The following USP2 variants were observed in gnomAD, a reference collection of about 807,000 sequenced individuals.
USP2 encodes ubiquitin specific peptidase 2, also known as ubiquitin carboxyl-terminal hydrolase 2.
In USP2, 33 loss-of-function variants were observed where a neutral mutation model predicts 72.0. The observed-to-expected ratio is 0.46, with a 90% CI of 0.35 to 0.61. USP2 has a LOEUF of 0.61. Among genes scored for constraint, USP2 ranks in the 20% least tolerant of loss-of-function variants. The pLI, the probability that USP2 is intolerant of heterozygous loss-of-function variation, is 0.01. For synonymous variants in USP2, 296 were observed against 312.5 expected (o/e 0.95, Z 0.56); for missense variants, 691 against 797.8 (o/e 0.87, Z 1.61).
rs776678005 is a variant in USP2, at chr11:119,357,180, C to G, written c.1730+7G>C. On this transcript the variant is annotated splice_region_variant and intron_variant, in intron 12 of 12. Transcript: ENST00000260187. ...GCCAGGGGCTCCGGCCCTGCCCTGG[C>G]TCTCACCTGGAGTCGTTGAAAGTGT... 4 of 1,613,150 alleles carry G rather than the reference C, an allele frequency of 2.5e-6. No homozygotes were observed. The highest frequency in any genetic ancestry group is 3.4e-6 in the Non-Finnish European group (4 of 1,179,782).
intron 2 of USP2, among the ~76,000 whole-genome samples, chr11:119,362,033 A>G (rs540493411): frequency 6.6e-5 from 10 of 151,974 alleles, no homozygotes; most frequent in Non-Finnish European, 1.0e-4. Flanking sequence ...CAGAATACCC[A>G]CCCTTACGTC....
Position 119,373,498 on chromosome 11 carries a change from A to G in USP2, c.-18T>C, listed in dbSNP as rs763691263. 5.8e-6 allele frequency: 9 copies of G among 1,555,786 alleles called. No individual in the cohort carries two copies. In the South Asian group the frequency reaches 7.2e-5, roughly 12 times the overall value. On this transcript the variant is annotated 5_prime_UTR_variant, in exon 2 of 13. The change abolishes the stop of an existing upstream ORF in the 5' untranslated region. Transcript: ENST00000260187. ...TGGGACATCCTTCAGGGTGGCACTC[A>G]GTGGGGACTGGGAGCCTCATGGGCT... is the stretch of plus-strand genomic sequence containing the variant.
chr11:119,365,407 G>T (rs556899856), intron 2 of USP2, among the ~76,000 whole-genome samples: 1 of 152,172 alleles, frequency 6.6e-6, no homozygotes, highest in Non-Finnish European at 1.5e-5. Flanking sequence ...GGAGGGGGCA[G>T]GGGACAGGAA....
In USP2 at chr11:119,358,218, C is replaced by T. The variant is rs372189891; in HGVS notation, c.1272G>A (p.Thr424=). ...LFVGQLKSSL[T]CTDCGYCSTV... is the part of the protein sequence containing the mutation. ...TAGAACAGTAACCACAATCTGTACACGTCAGCGAGCTCTTTAGCTGCCCAA... is the reference window on the plus strand; with the variant it reads ...TAGAACAGTAACCACAATCTGTACATGTCAGCGAGCTCTTTAGCTGCCCAA... The change falls in exon 8 of 13, where the codon ACG becomes ACA. Residue 424 remains threonine, a synonymous_variant. Transcript: ENST00000260187. 38 of 1,613,558 alleles carry T rather than the reference C, an allele frequency of 2.4e-5. No homozygotes were observed. The East Asian group carries it at 3.3e-4, about 14-fold the overall frequency.
intron 2 of USP2, among the ~76,000 whole-genome samples, chr11:119,368,048 C>T (rs559521383): frequency 1.3e-5 from 2 of 152,338 alleles, no homozygotes; most frequent in South Asian, 2.1e-4. Flanking sequence ...CCAAGGCTAA[C>T]GGCCAGGATA....
At chr11:119,377,290 A>G (rs1212387359) in intron 1 of USP2, among the ~76,000 whole-genome samples, 11 of 152,142 alleles carry the variant, frequency 7.2e-5, no homozygotes. Context: ...TGTCTGCTAT[A>G]TCTGGCCTGA....
chr11:119,364,569 T>C (rs556762841), intron 2 of USP2, among the ~76,000 whole-genome samples: 5 of 152,328 alleles, frequency 3.3e-5, no homozygotes, highest in African/African-American at 1.2e-4. Context: ...TTCCTAACTC[T>C]TGAGGGGGCT....
At position 119,359,409 on chromosome 11, in the gene USP2, C is replaced by A. The variant is rs1430811217; in HGVS notation, c.950-67G>T. The A allele has an allele frequency of 2.5e-6, 4 of 1,583,494 alleles. No homozygotes were observed. The highest frequency in any genetic ancestry group is 2.6e-6 in the Non-Finnish European group (3 of 1,165,244). On this transcript the variant is annotated intron_variant, in intron 4 of 12. Transcript: ENST00000260187. ...CTATAAGAAACTCTGAAACTAGAAT[C>A]CCAACAAAAAGCAAGCAGAGAAAGA...
chr11:119,364,145 G>A, intron 2 of USP2: 9 of 1,215,554 alleles, frequency 7.4e-6, no homozygotes, highest in Non-Finnish European at 9.2e-6. Context: ...GCGCTCCTCC[G>A]CCTCAACCTC....
intron 1 of USP2, among the ~76,000 whole-genome samples, chr11:119,379,813 T>G (rs1951039226): frequency 6.6e-6 from 1 of 152,080 alleles, no homozygotes. Flanking sequence ...ATTGAATACT[T>G]CCACTTCTTA....
intron 2 of USP2, among the ~76,000 whole-genome samples, chr11:119,369,305 G>A (rs1002211434): frequency 1.4e-5 from 2 of 141,598 alleles, no homozygotes; most frequent in African/African-American, 2.6e-5. Flanking sequence ...CCTGCCCCCC[G>A]CCAGCTCTGT....
chr11:119,362,551 C>T (rs1312546850), intron 2 of USP2, among the ~76,000 whole-genome samples: 1 of 152,128 alleles, frequency 6.6e-6, no homozygotes, highest in Admixed American at 6.5e-5. Flanking sequence ...CAGGGCTGCT[C>T]CATGCCCAGC....
At chr11:119,358,670 G>A in intron 7 of USP2, 103 bp downstream of exon 7, 1 of 1,403,526 alleles carries the variant, frequency 7.1e-7, no homozygotes, top group Non-Finnish European at 1.0e-6. Context: ...ACACTAGGCA[G>A]AAACAGGCTT....
chr11:119,379,272 C>T, intron 1 of USP2: 2 of 985,002 alleles, frequency 2.0e-6, no homozygotes, highest in Non-Finnish European at 2.4e-6. Context: ...GGGCCAGTGC[C>T]AGCCAAGGAG....
chr11:119,373,940 G>C (rs1441825835), intron 1 of USP2, among the ~76,000 whole-genome samples: 1 of 152,220 alleles, frequency 6.6e-6, no homozygotes, highest in African/African-American at 2.4e-5. Flanking sequence ...TATTTCAGGA[G>C]TTAAGACCAC....
chr11:119,376,285 T>G (rs1447739554), intron 1 of USP2: 11 of 985,674 alleles, frequency 1.1e-5, no homozygotes, highest in Non-Finnish European at 1.3e-5. Flanking sequence ...GCTGGGGCCC[T>G]GGCCGGAGTC....
chr11:119,356,729 T>C lies in USP2; in HGVS notation c.*106A>G. 2.5e-6 allele frequency: 3 copies of C among 1,223,964 alleles called. No homozygotes were observed. The highest frequency in any genetic ancestry group is 3.4e-6 in the Non-Finnish European group (3 of 889,234). The allele number at this position is 1,223,964 out of a possible 1,614,324, so 75.8% of individuals were successfully genotyped here. A position where few individuals can be genotyped will look rare whatever the true frequency, so the allele number is the denominator to read the frequency against. ...CTCGGCAGCTTCAGGTTTGTTTTTCTCTTGTCAGGTTTGTGTGTTGTTGTT... is the reference window on the plus strand; with the variant it reads ...CTCGGCAGCTTCAGGTTTGTTTTTCCCTTGTCAGGTTTGTGTGTTGTTGTT... On this transcript the variant is annotated 3_prime_UTR_variant, in exon 13 of 13. Transcript: ENST00000260187.
intron 3 of USP2, 21 bp from the exon 4 acceptor site, chr11:119,359,681 A>G (rs1158415317): frequency 3.7e-6 from 6 of 1,611,650 alleles, no homozygotes; most frequent in Middle Eastern, 1.7e-4. Context: ...TGACCAGGCA[A>G]TCAGTGGGGA....
chr11:119,364,330 G>T (rs531936603), intron 2 of USP2: 5 of 332,450 alleles, frequency 1.5e-5, no homozygotes, highest in African/African-American at 8.9e-5. Context: ...CGAACGAGGC[G>T]ACAAGGTCGG....
Sources: allele counts gnomAD v4.1 joint callset (sites outside exome capture counted in the v4.1 genomes callset), GRCh38; gene constraint gnomAD v4.1.1; transcripts MANE v1.5; gene names NCBI Gene and HGNC (gene_info 2026-07-23, HGNC 2026-07-21).